ANKS1B: variants seen among roughly 807,000 people sequenced by gnomAD.
ANKS1B encodes ankyrin repeat and sterile alpha motif domain containing 1B.
ANKS1B carries 36 observed loss-of-function variants against 148.3 expected under a neutral mutation model. That is an observed-to-expected ratio of 0.24 (90% CI 0.19 to 0.32). The LOEUF (loss-of-function observed/expected upper bound fraction) is 0.32, where lower values mean the gene tolerates loss of function less well. Ranked by LOEUF, ANKS1B falls within the 10% of genes least tolerant of loss-of-function variation. The probability of loss-of-function intolerance (pLI) is 1.00; values close to 1 mark genes in which losing one functional copy is unlikely to be tolerated. For synonymous variants in ANKS1B, 542 were observed against 560.8 expected (o/e 0.97, Z 0.47); for missense variants, 1,157 against 1,542.6 (o/e 0.75, Z 4.19).
At chr12:99,083,553 T>C (rs979905517) in intron 16 of ANKS1B, among the ~76,000 whole-genome samples, 1 of 152,154 alleles carries the variant, frequency 6.6e-6, no homozygotes, top group Non-Finnish European at 1.5e-5. Context: ...ACTACACACT[T>C]CTCAATTGTT....
At chr12:99,755,800 C>T (rs2061516938) in intron 8 of ANKS1B, among the ~76,000 whole-genome samples, 1 of 152,014 alleles carries the variant, frequency 6.6e-6, no homozygotes, top group Admixed American at 6.6e-5. Context: ...TGATAAAATT[C>T]AACATCCATT....
At chr12:99,810,589 C>T (rs1187479317) in intron 3 of ANKS1B, among the ~76,000 whole-genome samples, 6 of 151,910 alleles carry the variant, frequency 3.9e-5, no homozygotes, top group South Asian at 2.1e-4. Flanking sequence ...CAATAGAAAC[C>T]GCAACACAAA....
intron 10 of ANKS1B, among the ~76,000 whole-genome samples, chr12:99,448,601 G>A (rs1387449634): frequency 1.3e-5 from 2 of 152,016 alleles, no homozygotes; most frequent in Non-Finnish European, 2.9e-5. Flanking sequence ...AGTATGTGAG[G>A]TAATACATAT....
chr12:99,501,421 T>C (rs1280292797), intron 10 of ANKS1B, among the ~76,000 whole-genome samples: 1 of 152,146 alleles, frequency 6.6e-6, no homozygotes, highest in East Asian at 1.9e-4. Context: ...CTGAGGGTAT[T>C]AGTTTAAATG....
chr12:99,092,756 G>A (rs1198421975), intron 15 of ANKS1B, among the ~76,000 whole-genome samples: 2 of 152,158 alleles, frequency 1.3e-5, no homozygotes, highest in East Asian at 3.9e-4. Flanking sequence ...TTGCTCCTGG[G>A]TATTCCCAAC....
chr12:99,943,565 C>A (rs192210898), intron 1 of ANKS1B, among the ~76,000 whole-genome samples: 51 of 152,238 alleles, frequency 3.4e-4, no homozygotes, highest in Non-Finnish European at 5.9e-4. Flanking sequence ...TCATGTCCTG[C>A]ATGGCAGCAG....
At chr12:98,858,605 G>A (rs2099583650) in intron 17 of ANKS1B, among the ~76,000 whole-genome samples, 1 of 152,216 alleles carries the variant, frequency 6.6e-6, no homozygotes, top group African/African-American at 2.4e-5. Context: ...TTCCCAAAGT[G>A]TTGGGACTAC....
rs186570712 is a variant in ANKS1B at position 99,742,408 on chromosome 12, T to C, written c.1128+30514A>G. ...AAAAAATATAATTTTTTAAAAAATC[T>C]AGATTTTATAATTTGACTTAAGAAA... On this transcript the variant is annotated intron_variant, in intron 8 of 26. Transcript: ENST00000683438. Among the ~76,000 whole-genome samples the C allele has an allele frequency of 4.6e-5, 7 of 152,308 alleles. No homozygotes were observed. In the East Asian group the frequency reaches 1.3e-3, roughly 29 times the overall value.
intron 17 of ANKS1B, among the ~76,000 whole-genome samples, chr12:98,923,067 C>T (rs1015707714): frequency 2.0e-4 from 30 of 151,964 alleles, no homozygotes; most frequent in African/African-American, 6.8e-4. Flanking sequence ...TGAGAGGTGT[C>T]TGGGTCATAG....
Position 99,246,378 on chromosome 12 carries a change from T to C in ANKS1B, c.2243A>G (p.Asn748Ser). Residue 748 changes from asparagine (N) to serine (S), a missense_variant, in exon 13 of 27, where the codon AAT becomes AGT. Asn to Ser is a conservative substitution (Grantham distance 46). Transcript: ENST00000683438. ...CCAGTTAACTCTTGATGTTTTCTCATTGGAAGGATAGGCAATGAGATCAGA... is the reference window on the plus strand; with the variant it reads ...CCAGTTAACTCTTGATGTTTTCTCACTGGAAGGATAGGCAATGAGATCAGA... Reference protein sequence around the residue: ...SDSDLIAYPSNEKTSRVNWSE... With the variant: ...SDSDLIAYPSSEKTSRVNWSE... 1 of 1,613,900 alleles carries C rather than the reference T, an allele frequency of 6.2e-7. No homozygotes were observed. The highest frequency in any genetic ancestry group is 8.5e-7 in the Non-Finnish European group (1 of 1,179,848).
intron 26 of ANKS1B, among the ~76,000 whole-genome samples, chr12:98,750,284 T>C (rs1222896643): frequency 6.6e-6 from 1 of 151,418 alleles, no homozygotes; most frequent in Non-Finnish European, 1.5e-5. Context: ...TGGTAATGAG[T>C]GATGGACACA....
chr12:99,058,950 G>T (rs977723160), intron 16 of ANKS1B, among the ~76,000 whole-genome samples: 2 of 151,244 alleles, frequency 1.3e-5, no homozygotes, highest in Non-Finnish European at 2.9e-5. Context: ...TGTTAGCCAG[G>T]ATGGTCTCGA....
chr12:99,862,214 T>C (rs1323749696), intron 1 of ANKS1B, among the ~76,000 whole-genome samples: 1 of 152,138 alleles, frequency 6.6e-6, no homozygotes, highest in Non-Finnish European at 1.5e-5. Context: ...ATGCTTCCAA[T>C]GAGCATGCTC....
intron 9 of ANKS1B, among the ~76,000 whole-genome samples, chr12:99,633,749 C>A (rs2098199406): frequency 1.3e-5 from 2 of 152,042 alleles, no homozygotes. Flanking sequence ...TGACAAAGGG[C>A]TAATATCTAG....
At chr12:99,892,601 G>T (rs1267942175) in intron 1 of ANKS1B, among the ~76,000 whole-genome samples, 1 of 152,176 alleles carries the variant, frequency 6.6e-6, no homozygotes, top group African/African-American at 2.4e-5. Context: ...GTGGCATCAG[G>T]TACATCTCTG....
At chr12:98,748,145 T>C (rs1225514186) in intron 26 of ANKS1B, among the ~76,000 whole-genome samples, 1 of 152,178 alleles carries the variant, frequency 6.6e-6, no homozygotes, top group Non-Finnish European at 1.5e-5. Flanking sequence ...GATGGATATC[T>C]CAATTACTGA....
intron 12 of ANKS1B, among the ~76,000 whole-genome samples, chr12:99,367,571 A>G (rs1346519012): frequency 6.6e-6 from 1 of 152,198 alleles, no homozygotes; most frequent in Non-Finnish European, 1.5e-5. Flanking sequence ...ACAAACCAAC[A>G]TATGTACAAG....
chr12:99,457,186 G>GT (rs2095861063), intron 10 of ANKS1B, among the ~76,000 whole-genome samples: 1 of 151,978 alleles, frequency 6.6e-6, no homozygotes, highest in Non-Finnish European at 1.5e-5. Flanking sequence ...AAAAGATGGT[G>GT]TTTTTCAGAA....
At chr12:99,006,104 A>G (rs746557775) in intron 17 of ANKS1B, among the ~76,000 whole-genome samples, 7 of 152,342 alleles carry the variant, frequency 4.6e-5, no homozygotes, top group Non-Finnish European at 8.8e-5. Flanking sequence ...ACCTTGGGTT[A>G]TATTCCAGCT....
Sources: gnomAD v4.1 joint callset for allele counts (sites outside exome capture counted in the v4.1 genomes callset) on GRCh38, gnomAD v4.1.1 for gene constraint, MANE v1.5 for transcripts, NCBI Gene and HGNC (gene_info 2026-07-23, HGNC 2026-07-21) for gene names.